The following STX1B variants were observed in gnomAD, a reference collection of about 807,000 sequenced individuals.
The protein encoded by STX1B is syntaxin 1B, also known as syntaxin-1B.
Under a neutral mutation model 39.4 loss-of-function variants are expected in STX1B, and 7 were observed. The ratio of observed to expected loss-of-function variants is 0.18; its 90% confidence interval spans 0.10 to 0.33. The LOEUF (loss-of-function observed/expected upper bound fraction) is 0.33, where lower values mean the gene tolerates loss of function less well. Ranked by LOEUF, STX1B falls within the 10% of genes least tolerant of loss-of-function variation. STX1B has a pLI of 1.00. For missense variants in STX1B, 198 were observed against 383.2 expected (o/e 0.52, Z 4.04); for synonymous variants, 136 against 144.1 (o/e 0.94, Z 0.40).
chr16:31,004,411 C>T (rs769461899), intron 1 of STX1B, among the ~76,000 whole-genome samples: 6 of 152,142 alleles, frequency 3.9e-5, no homozygotes, highest in Admixed American at 6.6e-5. Context: ...TAGTGGCTCA[C>T]GCCTGTAATC....
intron 7 of STX1B, 104 bp from the exon 8 acceptor site, chr16:30,993,588 A>G: frequency 7.4e-7 from 1 of 1,359,652 alleles, no homozygotes; most frequent in Non-Finnish European, 1.0e-6. Context: ...ACTAGCTGAA[A>G]CCTTAGGCAC....
At chr16:31,010,298 CA>C in intron 1 of STX1B, 68 bp downstream of exon 1, 1 of 1,042,502 alleles carries the variant, frequency 9.6e-7, no homozygotes, top group Non-Finnish European at 1.3e-6. Flanking sequence ...GCACCTCCCC[CA>C]CTCCATCCCC....
At chr16:30,998,783 A>G (rs1278395912) in intron 4 of STX1B, among the ~76,000 whole-genome samples, 1 of 152,024 alleles carries the variant, frequency 6.6e-6, no homozygotes, top group Non-Finnish European at 1.5e-5. Flanking sequence ...TGAACCCCTC[A>G]CCCACAGAGC....
At position 31,001,100 on chromosome 16, in the gene STX1B, C is replaced by T; in HGVS notation, c.199G>A (p.Asp67Asn). The change falls in exon 3 of 10, where the codon GAT becomes AAT. Residue 67 changes from aspartate (D) to asparagine (N), a missense_variant. Physicochemically the swap from Asp to Asn is conservative, Grantham distance 23. Coordinates refer to ENST00000215095, the MANE Select transcript of STX1B (RefSeq NM_052874.5). The surrounding 1 kb of genome is among the most constrained non-coding windows in gnomAD (Gnocchi z 5.5). The stretch of plus-strand genomic sequence containing the variant: ...CACCGGCAGCCACACTCACTCTCAT[C>T]TGGGTTGGGTGCGGCCAGGATGGCG... ...HSAILAAPNP[D>N]EKTKQELEDL... The T allele has an allele frequency of 6.2e-7, 1 of 1,614,232 alleles. No individual in the cohort carries two copies. Among genetic ancestry groups the T allele is most frequent in the Admixed American group, 1.7e-5 (1 of 60,034 alleles).
rs2056564883 is a variant in STX1B, at chr16:30,992,489, C to T, written c.*332G>A. On this transcript the variant is annotated 3_prime_UTR_variant, in exon 10 of 10. Transcript: ENST00000215095. ...GGGGGAAGCTCAGACCACGCACACACACCCAAGGTGGGGGTGGAGGGGGTG... is the reference window on the plus strand; with the variant it reads ...GGGGGAAGCTCAGACCACGCACACATACCCAAGGTGGGGGTGGAGGGGGTG... 3.4e-6 allele frequency: 1 copy of T among 296,074 alleles called. No individual in the cohort carries two copies. The highest frequency in any genetic ancestry group is 6.5e-6 in the Non-Finnish European group (1 of 154,752). The allele number at this position is 296,074 out of a possible 1,614,324, so 18.3% of individuals were successfully genotyped here. A position where few individuals can be genotyped will look rare whatever the true frequency, so the allele number is the denominator to read the frequency against.
intron 5 of STX1B, 38 bp downstream of exon 5, chr16:30,997,464 G>A: frequency 1.3e-6 from 2 of 1,564,618 alleles, no homozygotes; most frequent in Non-Finnish European, 1.7e-6. Flanking sequence ...TCCCGAGCTG[G>A]GTCCCGACCC....
intron 4 of STX1B, among the ~76,000 whole-genome samples, chr16:30,999,011 C>T (rs996796380): frequency 1.1e-4 from 16 of 152,136 alleles, no homozygotes; most frequent in African/African-American, 3.9e-4. Flanking sequence ...TATTGGGATT[C>T]TTTGTATGAC....
intron 1 of STX1B, among the ~76,000 whole-genome samples, chr16:31,005,807 A>C (rs2056652240): frequency 6.6e-6 from 1 of 152,188 alleles, no homozygotes; most frequent in Non-Finnish European, 1.5e-5. Flanking sequence ...GAGAGAGTGC[A>C]GTGCCCCTGA....
At position 30,992,824 on chromosome 16, in the gene STX1B, C is replaced by G; in HGVS notation, c.864G>C (p.Leu288Phe). ...GAGAGAGAAGGGTGGGGGGGGCCTACAAGCCCAGCGTCCCCCCAATGGATG... is the reference window on the plus strand; with the variant it reads ...GAGAGAGAAGGGTGGGGGGGGCCTAGAAGCCCAGCGTCCCCCCAATGGATG... Reference protein sequence around the residue: ...LASSIGGTLGL With the variant: ...LASSIGGTLGF The change falls in exon 10 of 10, where the codon TTG (leucine) becomes TTC (phenylalanine). Residue 288 changes from leucine to phenylalanine, a missense_variant. Leu to Phe is a conservative substitution (Grantham distance 22). Transcript: ENST00000215095. The G allele has an allele frequency of 1.2e-6, 2 of 1,608,264 alleles. No individual in the cohort carries two copies. The highest frequency in any genetic ancestry group is 1.3e-5 in the African/African-American group (1 of 74,834).
At chr16:31,004,652 G>T (rs2056647030) in intron 1 of STX1B, among the ~76,000 whole-genome samples, 1 of 151,228 alleles carries the variant, frequency 6.6e-6, no homozygotes. Context: ...CTCCAGCCTG[G>T]GTGACAGAGC....
Position 31,001,005 on chromosome 16 carries a change from G to A in STX1B, c.206-3C>T. 6.2e-7 allele frequency: 1 copy of A among 1,614,164 alleles called. No individual in the cohort carries two copies. The highest frequency in any genetic ancestry group is 8.5e-7 in the Non-Finnish European group (1 of 1,180,038). ...ATCCTCCAGCTCCTGTTTGGTCTCT[G>A]AGGGGAGGGCGAGGGCAAGTGAGAT... On this transcript the variant is annotated splice_region_variant and splice_polypyrimidine_tract_variant and intron_variant, in intron 3 of 9. Coordinates refer to ENST00000215095, the MANE Select transcript of STX1B (RefSeq NM_052874.5). This position sits in a 1 kb window ranked among gnomAD's most constrained non-coding sequence, Gnocchi z 5.5.
intron 1 of STX1B, among the ~76,000 whole-genome samples, chr16:31,008,641 C>T (rs986269720): frequency 2.6e-5 from 4 of 152,128 alleles, no homozygotes; most frequent in Non-Finnish European, 5.9e-5. Flanking sequence ...AATGAAAGAG[C>T]CTCCCCGTCC....
intron 1 of STX1B, among the ~76,000 whole-genome samples, chr16:31,010,149 C>A (rs1435322328): frequency 6.6e-6 from 1 of 152,116 alleles, no homozygotes. Context: ...TCTCCTGCCC[C>A]CTTGTGTCTT....
intron 1 of STX1B, 104 bp downstream of exon 1, chr16:31,010,263 T>G: frequency 1.1e-6 from 1 of 933,508 alleles, no homozygotes; most frequent in Non-Finnish European, 1.5e-6. Context: ...CAACCTCCGA[T>G]CTCATCCTTC....
chr16:31,008,144 C>A (rs569206607), intron 1 of STX1B, among the ~76,000 whole-genome samples: 1 of 152,114 alleles, frequency 6.6e-6, no homozygotes, highest in African/African-American at 2.4e-5. Flanking sequence ...TCCCCCACAC[C>A]CTGCCAGGTG....
At position 31,001,660 on chromosome 16, in the gene STX1B, G is replaced by A; in HGVS notation, c.31-57C>T. The A allele has an allele frequency of 7.5e-7, 1 of 1,340,502 alleles. No individual in the cohort carries two copies. Among genetic ancestry groups the A allele is most frequent in the Middle Eastern group, 2.0e-4 (1 of 4,940 alleles). 83.0% of individuals were successfully genotyped at this position (1,340,502 alleles called of 1,614,324 possible). ...GGCCCTACCTGGGTCCCCAAGGCTGGCTCTCCAGCTCTCCCACCCTCTCCC... is the reference window on the plus strand; with the variant it reads ...GGCCCTACCTGGGTCCCCAAGGCTGACTCTCCAGCTCTCCCACCCTCTCCC... On this transcript the variant is annotated intron_variant, in intron 1 of 9. Coordinates refer to ENST00000215095, the MANE Select transcript of STX1B (RefSeq NM_052874.5). This position sits in a 1 kb window ranked among gnomAD's most constrained non-coding sequence, Gnocchi z 5.5.
intron 1 of STX1B, among the ~76,000 whole-genome samples, chr16:31,005,788 G>A (rs1250303220): frequency 6.6e-6 from 1 of 152,132 alleles, no homozygotes; most frequent in Admixed American, 6.5e-5. Context: ...CACTTGAGAG[G>A]GATTGAATGA....
At position 30,996,997 on chromosome 16, in the gene STX1B, C is replaced by T. The variant is rs1174496810; in HGVS notation, c.417G>A (p.Lys139=). The T allele has an allele frequency of 6.2e-7, 1 of 1,612,856 alleles. No individual in the cohort carries two copies. The highest frequency in any genetic ancestry group is 1.3e-5 in the African/African-American group (1 of 74,456). Residue 139 remains lysine, a synonymous_variant, in exon 6 of 10, where the codon AAG becomes AAA. Coordinates refer to ENST00000215095, the MANE Select transcript of STX1B (RefSeq NM_052874.5). ...VMTEYNATQS[K]YRDRCKDRIQ... is the part of the protein sequence containing the mutation. The stretch of plus-strand genomic sequence containing the variant: ...TCCGGTCCTTGCAGCGGTCCCGGTA[C>T]TTGGACTGGGTCGCGTTATATTCGG...
intron 1 of STX1B, among the ~76,000 whole-genome samples, chr16:31,002,590 C>T (rs2056636079): frequency 6.6e-6 from 1 of 152,156 alleles, no homozygotes; most frequent in Non-Finnish European, 1.5e-5. Context: ...CCAGCTTCTC[C>T]GAGCCTCATG....
Sources: allele counts gnomAD v4.1 joint callset (sites outside exome capture counted in the v4.1 genomes callset), GRCh38; gene constraint gnomAD v4.1.1; non-coding constraint Gnocchi (gnomAD v3.1); transcripts MANE v1.5; gene names NCBI Gene and HGNC (gene_info 2026-07-23, HGNC 2026-07-21).